Variants in TYR observed in about 807,000 individuals in gnomAD.
TYR encodes the protein tyrosinase, also known as LB24-AB.
In TYR, 58 loss-of-function variants were observed where a neutral mutation model predicts 51.5. The observed-to-expected ratio is 1.13, with a 90% CI of 0.91 to 1.40. The LOEUF (loss-of-function observed/expected upper bound fraction) is 1.40. Among genes scored for constraint, TYR ranks in the 40% most tolerant of loss-of-function variants. The pLI, the probability that TYR is intolerant of heterozygous loss-of-function variation, is 0.00. For synonymous variants in TYR, 263 were observed against 235.2 expected (o/e 1.12, Z -1.08); for missense variants, 732 against 647.4 (o/e 1.13, Z -1.42).
intron 2 of TYR, among the ~76,000 whole-genome samples, chr11:89,220,102 G>T (rs1226240274): frequency 6.6e-6 from 1 of 151,952 alleles, no homozygotes. Context: ...CTTGTGGTAG[G>T]CCGTTCTCAC....
intron 1 of TYR, among the ~76,000 whole-genome samples, chr11:89,181,207 G>A (rs1042513073): frequency 1.3e-5 from 2 of 152,098 alleles, no homozygotes; most frequent in African/African-American, 2.4e-5. Flanking sequence ...GTAGAGATGG[G>A]GTTTCACCCT....
Position 89,234,254 on chromosome 11 carries a change from C to T in TYR, c.1184+6284C>T, listed in dbSNP as rs561654761. 9.0e-5 allele frequency among the ~76,000 whole-genome samples: 13 copies of T among 143,662 alleles called. 2 individuals carry two copies. Among genetic ancestry groups the T allele is most frequent in the African/African-American group, 3.6e-4 (13 of 36,444 alleles). 94.2% of individuals were successfully genotyped at this position (143,662 alleles called of 152,430 possible). A position where few individuals can be genotyped will look rare whatever the true frequency, so the allele number is the denominator to read the frequency against. ...TCTGCAGCTTCCTCACCTCTTTGACCCTCCATAGGATTAAGAGAGTCAGAG... is the reference window on the plus strand; with the variant it reads ...TCTGCAGCTTCCTCACCTCTTTGACTCTCCATAGGATTAAGAGAGTCAGAG... On this transcript the variant is annotated intron_variant, in intron 3 of 4. Coordinates refer to ENST00000263321, the MANE Select transcript of TYR (RefSeq NM_000372.5).
At chr11:89,187,503 T>A (rs566292321) in intron 1 of TYR, among the ~76,000 whole-genome samples, 5 of 152,250 alleles carry the variant, frequency 3.3e-5, no homozygotes, top group Non-Finnish European at 7.4e-5. Flanking sequence ...AACAAACTCA[T>A]TGGCCAAGAG....
Position 89,208,039 on chromosome 11 carries a change from C to CG in TYR, c.1036+16627dup, listed in dbSNP as rs534229044. On this transcript the variant is annotated intron_variant, in intron 2 of 4. Coordinates refer to ENST00000263321, the MANE Select transcript of TYR (RefSeq NM_000372.5). ...ATCCCAGCACTTTGGGAGGCCAAGG[C>CG]GGGGGGATCACGAAGTCAGGAGATC... 7.1e-3 allele frequency among the ~76,000 whole-genome samples: 1,082 copies of CG among 152,200 alleles called. 9 individuals carry two copies. The highest frequency in any genetic ancestry group is 9.6e-3 in the South Asian group (46 of 4,816).
chr11:89,251,173 A>C (rs1009840002), intron 3 of TYR, among the ~76,000 whole-genome samples: 2 of 151,974 alleles, frequency 1.3e-5, no homozygotes, highest in Non-Finnish European at 2.9e-5. Flanking sequence ...CTGTAGGGAA[A>C]TTATCTCAGA....
chr11:89,224,247 T>C (rs1328867057), intron 2 of TYR, among the ~76,000 whole-genome samples: 1 of 152,168 alleles, frequency 6.6e-6, no homozygotes, highest in Non-Finnish European at 1.5e-5. Flanking sequence ...GAAATACTAG[T>C]TACTACTCAG....
intron 2 of TYR, among the ~76,000 whole-genome samples, chr11:89,201,829 G>C (rs1943602232): frequency 6.6e-6 from 1 of 152,176 alleles, no homozygotes; most frequent in Admixed American, 6.5e-5. Context: ...AAAATATTGG[G>C]ATTGTAGAAT....
At chr11:89,278,826 T>C (rs531555809) in intron 3 of TYR, among the ~76,000 whole-genome samples, 9 of 151,834 alleles carry the variant, frequency 5.9e-5, no homozygotes, top group Non-Finnish European at 1.2e-4. Flanking sequence ...CAGGATACTA[T>C]ATTACATTTA....
intron 2 of TYR, among the ~76,000 whole-genome samples, chr11:89,220,352 C>T (rs1421495851): frequency 3.3e-5 from 5 of 152,098 alleles, no homozygotes; most frequent in Admixed American, 3.3e-4. Flanking sequence ...AGAACTCACT[C>T]ACTATTGTGA....
chr11:89,273,750 T>G (rs1299885475), intron 3 of TYR, among the ~76,000 whole-genome samples: 2 of 151,452 alleles, frequency 1.3e-5, no homozygotes, highest in Non-Finnish European at 2.9e-5. Context: ...AACAACATAA[T>G]TTTTTTTTCT....
At position 89,178,503 on chromosome 11, in the gene TYR, T is replaced by C. The variant is rs1349629858; in HGVS notation, c.550T>C (p.Ser184Pro). 4 of 1,614,210 alleles carry C rather than the reference T, an allele frequency of 2.5e-6. No individual in the cohort carries two copies. The change falls in exon 1 of 5, where the codon TCA becomes CCA. Residue 184 changes from serine to proline, a missense_variant. Physicochemically the swap from Ser to Pro is moderately conservative, Grantham distance 74. Transcript: ENST00000263321. ...CTTTGTCTGGATGCATTATTATGTGTCAATGGATGCACTGCTTGGGGGATC... is the reference window on the plus strand; with the variant it reads ...CTTTGTCTGGATGCATTATTATGTGCCAATGGATGCACTGCTTGGGGGATC... ...DLFVWMHYYV[S>P]MDALLGGSEI...
chr11:89,271,091 C>T (rs1944583036), intron 3 of TYR, among the ~76,000 whole-genome samples: 1 of 151,718 alleles, frequency 6.6e-6, no homozygotes, highest in African/African-American at 2.4e-5. Flanking sequence ...TAAAGAACCC[C>T]TATGGAAGAA....
chr11:89,207,336 G>A (rs1279212822), intron 2 of TYR, among the ~76,000 whole-genome samples: 1 of 152,120 alleles, frequency 6.6e-6, no homozygotes, highest in African/African-American at 2.4e-5. Flanking sequence ...AGCGTACTAT[G>A]AGCACTCTAT....
intron 3 of TYR, among the ~76,000 whole-genome samples, chr11:89,236,374 T>C (rs185197629): frequency 2.1e-4 from 32 of 152,278 alleles, no homozygotes; most frequent in Admixed American, 1.7e-3. Context: ...TCTGTAGATA[T>C]ATAGCTGTGA....
rs1943250728 is a variant in TYR, at chr11:89,178,209, A to T, written c.256A>T (p.Asn86Tyr). Residue 86 changes from asparagine (N) to tyrosine (Y), a missense_variant, in exon 1 of 5, where the codon AAT becomes TAT. Transcript: ENST00000263321. ...GGAGTCGTGGCCTTCCGTCTTTTATAATAGGACCTGCCAGTGCTCTGGCAA... is the reference window on the plus strand; with the variant it reads ...GGAGTCGTGGCCTTCCGTCTTTTATTATAGGACCTGCCAGTGCTCTGGCAA... ...DRESWPSVFY[N>Y]RTCQCSGNFM... is the part of the protein sequence containing the mutation. 6.2e-7 allele frequency: 1 copy of T among 1,614,060 alleles called. No individual in the cohort carries two copies. The highest frequency in any genetic ancestry group is 8.5e-7 in the Non-Finnish European group (1 of 1,180,024).
chr11:89,216,062 C>A (rs535543908), intron 2 of TYR, among the ~76,000 whole-genome samples: 1 of 152,116 alleles, frequency 6.6e-6, no homozygotes, highest in East Asian at 1.9e-4. Context: ...TTTTCTTTTT[C>A]ATCCTGCAGT....
At chr11:89,202,622 TACACACAC>T (rs10526067) in intron 2 of TYR, among the ~76,000 whole-genome samples, 1 of 141,280 alleles carries the variant, frequency 7.1e-6, no homozygotes, top group Non-Finnish European at 1.5e-5. Context: ...ATTTTCATAA[TACACACAC>T]ACACACACAC....
At chr11:89,179,243 G>A (rs573640370) in intron 1 of TYR, among the ~76,000 whole-genome samples, 8 of 152,248 alleles carry the variant, frequency 5.3e-5, no homozygotes, top group African/African-American at 1.7e-4. Flanking sequence ...CAGACTAATT[G>A]GTCAGAATCT....
intron 2 of TYR, among the ~76,000 whole-genome samples, chr11:89,208,961 T>G (rs1943712089): frequency 6.6e-6 from 1 of 152,210 alleles, no homozygotes; most frequent in Non-Finnish European, 1.5e-5. Context: ...ATCCTTGCTT[T>G]GGGAGAGCTT....
Sources: allele counts gnomAD v4.1 joint callset (sites outside exome capture counted in the v4.1 genomes callset), GRCh38; gene constraint gnomAD v4.1.1; transcripts MANE v1.5; gene names NCBI Gene and HGNC (gene_info 2026-07-23, HGNC 2026-07-21).